TBC1D1: variants seen among roughly 807,000 people sequenced by gnomAD.
TBC1D1 encodes TBC1 (tre-2/USP6, BUB2, cdc16) domain family, member 1.
In TBC1D1, 89 loss-of-function variants were observed where a neutral mutation model predicts 125.6. That is an observed-to-expected ratio of 0.71 (90% confidence interval 0.60 to 0.85). The LOEUF (loss-of-function observed/expected upper bound fraction) is 0.85, where lower values mean the gene tolerates loss of function less well. Ranked by LOEUF, TBC1D1 falls within the 40% of genes least tolerant of loss-of-function variation. TBC1D1 has a pLI of 0.00. For synonymous variants in TBC1D1, 565 were observed against 564.1 expected (o/e 1.00, Z -0.02); for missense variants, 1,377 against 1,469.2 (o/e 0.94, Z 1.03).
intron 6 of TBC1D1, among the ~76,000 whole-genome samples, chr4:38,023,667 G>T (rs1213249257): frequency 6.6e-6 from 1 of 152,126 alleles, no homozygotes; most frequent in Non-Finnish European, 1.5e-5. Context: ...AGGCTGAATG[G>T]TATTCCATTC....
intron 18 of TBC1D1, among the ~76,000 whole-genome samples, chr4:38,129,264 C>G (rs1765175726): frequency 6.6e-6 from 1 of 152,196 alleles, no homozygotes; most frequent in Non-Finnish European, 1.5e-5. Context: ...AGACACACCT[C>G]AAATCAGGGG....
At chr4:37,985,923 G>C in intron 2 of TBC1D1, among the ~76,000 whole-genome samples, 1 of 151,998 alleles carries the variant, frequency 6.6e-6, no homozygotes, top group East Asian at 1.9e-4. Flanking sequence ...TGATGTGGTG[G>C]ATTATGAAAA....
At chr4:38,007,977 G>A (rs966081014) in intron 2 of TBC1D1, among the ~76,000 whole-genome samples, 4 of 152,198 alleles carry the variant, frequency 2.6e-5, no homozygotes, top group African/African-American at 4.8e-5. Context: ...TGAAAACTGC[G>A]GGAGTGAGGG....
intron 8 of TBC1D1, among the ~76,000 whole-genome samples, chr4:38,036,737 C>T (rs564101536): frequency 1.3e-5 from 2 of 152,288 alleles, no homozygotes; most frequent in South Asian, 2.1e-4. Context: ...GTGTCAGCCA[C>T]GGTTTCTAAT....
intron 13 of TBC1D1, 110 bp downstream of exon 15, chr4:38,090,227 A>G (rs1236306659): frequency 1.0e-6 from 1 of 998,146 alleles, no homozygotes; most frequent in African/African-American, 1.6e-5. Flanking sequence ...CGATAGTCTA[A>G]TGTATACATC....
chr4:38,068,490 C>T (rs1754126273), intron 12 of TBC1D1, among the ~76,000 whole-genome samples: 1 of 152,138 alleles, frequency 6.6e-6, no homozygotes, highest in African/African-American at 2.4e-5. Flanking sequence ...CATTTCTTCT[C>T]TTTACCCCTC....
rs985081352 is a variant in TBC1D1, at chr4:37,902,271, C to A, written c.176C>A (p.Pro59His). The A allele has an allele frequency of 5.6e-6, 9 of 1,614,004 alleles. No individual in the cohort carries two copies. The African/African-American group carries it at 6.7e-5, about 12-fold the overall frequency. The change falls in exon 2 of 20, where the codon CCT becomes CAT. Residue 59 changes from proline to histidine, a missense_variant. This residue lies in a region of TBC1D1 where 822 missense variants were observed against 824.6 expected (regional missense o/e 1.00). Coordinates refer to ENST00000261439, the MANE Select transcript of TBC1D1 (RefSeq NM_015173.4). ...AGCAGGCAGTCCACCAGAAAGGAAC[C>A]TGTAACCAAGCAAGTCCGGCTTTGC...
At chr4:38,076,825 C>T (rs1755679389) in intron 12 of TBC1D1, among the ~76,000 whole-genome samples, 1 of 152,060 alleles carries the variant, frequency 6.6e-6, no homozygotes, top group African/African-American at 2.4e-5. Flanking sequence ...AGCCAACATA[C>T]CTAAAAACCA....
At chr4:37,902,835 A>T (rs2995920) in intron 2 of TBC1D1, among the ~76,000 whole-genome samples, 108,618 of 152,134 alleles carry the variant, frequency 0.71, 39,944 homozygotes, top group East Asian at 0.99. Context: ...AACTGAAATG[A>T]GCTTGTGAGT....
intron 8 of TBC1D1, among the ~76,000 whole-genome samples, chr4:38,039,172 CAGTGGCGCT>C (rs1405543130): frequency 8.9e-6 from 1 of 112,726 alleles, no homozygotes; most frequent in Non-Finnish European, 1.7e-5. Context: ...GGCTGGAGTG[CAGTGGCGCT>C]ATCTTGGCTC....
chr4:38,027,280 A>G lies in TBC1D1; in HGVS notation c.1211-508A>G, dbSNP rs548869069. Reference sequence around the variant, plus strand: ...ATGCCTATTATACAGTGTCTAGCACATCAGAGCTCAGAAGATGATGACAAA... The same window carrying G: ...ATGCCTATTATACAGTGTCTAGCACGTCAGAGCTCAGAAGATGATGACAAA... On this transcript the variant is annotated intron_variant, in intron 6 of 19. Coordinates refer to ENST00000261439, the MANE Select transcript of TBC1D1 (RefSeq NM_015173.4). Among the ~76,000 whole-genome samples, 6 of 152,346 alleles carry G rather than the reference A, an allele frequency of 3.9e-5. No individual in the cohort carries two copies. In the South Asian group the frequency reaches 1.2e-3, roughly 32 times the overall value.
At chr4:37,913,872 A>C (rs1719161615) in intron 2 of TBC1D1, among the ~76,000 whole-genome samples, 1 of 151,892 alleles carries the variant, frequency 6.6e-6, no homozygotes, top group Non-Finnish European at 1.5e-5. Context: ...CGAGCCACCT[A>C]GAGCTTGTGA....
intron 2 of TBC1D1, among the ~76,000 whole-genome samples, chr4:37,983,121 C>CTTT (rs71190937): frequency 1.4e-4 from 16 of 116,562 alleles, no homozygotes; most frequent in African/African-American, 3.3e-4. Context: ...TCCCCAAACT[C>CTTT]TTTTTTTTTT....
intron 18 of TBC1D1, among the ~76,000 whole-genome samples, chr4:38,127,713 G>A (rs544594240): frequency 9.6e-4 from 146 of 152,252 alleles, no homozygotes; most frequent in African/African-American, 2.9e-3. Context: ...TAGGACATAG[G>A]TATTATAATT....
intron 2 of TBC1D1, among the ~76,000 whole-genome samples, chr4:37,916,153 A>G (rs1378931541): frequency 1.3e-5 from 2 of 152,206 alleles, no homozygotes; most frequent in Non-Finnish European, 2.9e-5. Context: ...TAGAGGCACA[A>G]GTTTCCCCTG....
intron 1 of TBC1D1, among the ~76,000 whole-genome samples, chr4:37,894,595 G>A (rs1714139041): frequency 6.6e-6 from 1 of 152,148 alleles, no homozygotes; most frequent in African/African-American, 2.4e-5. Context: ...CTAAACCTCT[G>A]AATTAGGTAA....
intron 2 of TBC1D1, among the ~76,000 whole-genome samples, chr4:37,948,648 C>T (rs1248301059): frequency 6.6e-6 from 1 of 151,550 alleles, no homozygotes; most frequent in Non-Finnish European, 1.5e-5. Context: ...AAAAATTACC[C>T]ATTTGAAGTA....
intron 6 of TBC1D1, among the ~76,000 whole-genome samples, chr4:38,026,679 C>G (rs1745151832): frequency 6.6e-6 from 1 of 152,134 alleles, no homozygotes; most frequent in South Asian, 2.1e-4. Flanking sequence ...CATATCCTTT[C>G]ATTATCAACC....
chr4:38,072,194 TAG>T (rs951054515), intron 12 of TBC1D1, among the ~76,000 whole-genome samples: 44 of 151,490 alleles, frequency 2.9e-4, no homozygotes, highest in African/African-American at 9.9e-4. Context: ...TATGTACACC[TAG>T]AGAGAGAGAG....
Sources: allele counts gnomAD v4.1 joint callset (sites outside exome capture counted in the v4.1 genomes callset), GRCh38; gene constraint gnomAD v4.1.1; regional missense constraint gnomAD v4.1.1; transcripts MANE v1.5; gene names NCBI Gene and HGNC (gene_info 2026-07-23, HGNC 2026-07-21).